ADCY1: variants seen among roughly 807,000 people sequenced by gnomAD.
The protein encoded by ADCY1 is adenylate cyclase 1.
In ADCY1, 28 loss-of-function variants were observed where a neutral mutation model predicts 105.4. That is an observed-to-expected ratio of 0.27 (90% CI 0.20 to 0.36). The LOEUF is 0.36. Among genes scored for constraint, ADCY1 ranks in the 10% least tolerant of loss-of-function variants. ADCY1 has a pLI of 1.00. For missense variants in ADCY1, 977 were observed against 1,434.2 expected, an observed-to-expected ratio of 0.68 and a Z score of 5.15; for synonymous variants, 655 against 623.8, an observed-to-expected ratio of 1.05 and a Z score of -0.75.
At chr7:45,603,313 A>T (rs1793288455) in intron 2 of ADCY1, among the ~76,000 whole-genome samples, 1 of 152,158 alleles carries the variant, frequency 6.6e-6, no homozygotes, top group South Asian at 2.1e-4. Context: ...TTTCTTTTGG[A>T]TAAATACCTA....
intron 5 of ADCY1, among the ~76,000 whole-genome samples, chr7:45,655,181 A>G (rs1794904911): frequency 6.6e-6 from 1 of 152,224 alleles, no homozygotes; most frequent in African/African-American, 2.4e-5. Flanking sequence ...TTCACTTCCA[A>G]GCTTCAGTGC....
intron 4 of ADCY1, among the ~76,000 whole-genome samples, chr7:45,627,369 G>T (rs539030732): frequency 4.6e-5 from 7 of 152,328 alleles, no homozygotes; most frequent in Admixed American, 3.3e-4. Context: ...CTGTGGAACG[G>T]GTGCATCCTG....
chr7:45,685,723 A>G (rs1400828945), intron 12 of ADCY1, among the ~76,000 whole-genome samples: 1 of 152,078 alleles, frequency 6.6e-6, no homozygotes, highest in Non-Finnish European at 1.5e-5. Flanking sequence ...TGGGCTGGGG[A>G]GCAGGCAGGG....
chr7:45,648,067 G>A (rs995633190), intron 4 of ADCY1, among the ~76,000 whole-genome samples: 2 of 152,230 alleles, frequency 1.3e-5, no homozygotes, highest in African/African-American at 4.8e-5. Context: ...CATGTGCCCT[G>A]TGAGGCTGGT....
chr7:45,592,953 C>A, intron 2 of ADCY1, 45 bp downstream of exon 2: 2 of 1,604,604 alleles, frequency 1.2e-6, no homozygotes, highest in Non-Finnish European at 1.7e-6. Context: ...GGCTGTGGGG[C>A]TGGGGAGGTG....
intron 14 of ADCY1, among the ~76,000 whole-genome samples, chr7:45,689,001 TG>T (rs1431077489): frequency 6.7e-6 from 1 of 150,368 alleles, no homozygotes; most frequent in Non-Finnish European, 1.5e-5. Flanking sequence ...GTGCCTGTTC[TG>T]GGCAGAAGAC....
At position 45,695,732 on chromosome 7, in the gene ADCY1, G is replaced by A. The variant is rs552996371; in HGVS notation, c.2455-7644G>A. Among the ~76,000 whole-genome samples the A allele has an allele frequency of 3.3e-5, 5 of 152,360 alleles. No individual in the cohort carries two copies. In the South Asian group the frequency reaches 6.2e-4, roughly 19 times the overall value. On this transcript the variant is annotated intron_variant, in intron 14 of 19. Coordinates refer to ENST00000297323, the MANE Select transcript of ADCY1 (RefSeq NM_021116.4). ...TTTCTGCCCACAGTGTGGACTGTTC[G>A]TGGAGAGCAGTGTGGTAGCAGTGTG...
At position 45,686,499 on chromosome 7, in the gene ADCY1, C is replaced by A; in HGVS notation, c.2328-48C>A. ...CTTGGGTTTGGTGGCAGAGTCTTGC[C>A]CTGGAAGCTCGGCACTGACTTGGCT... On this transcript the variant is annotated intron_variant, in intron 13 of 19. Transcript: ENST00000297323. The surrounding 1 kb of genome is among the most constrained non-coding windows in gnomAD (Gnocchi z 4.3). 1.3e-6 allele frequency: 2 copies of A among 1,574,952 alleles called. No homozygotes were observed. Among genetic ancestry groups the A allele is most frequent in the Non-Finnish European group, 1.7e-6 (2 of 1,157,560 alleles).
intron 8 of ADCY1, among the ~76,000 whole-genome samples, chr7:45,667,671 TCATTGGTAGCTTGATGGGGATGG>T (rs1784287214): frequency 6.6e-6 from 1 of 152,192 alleles, no homozygotes; most frequent in Non-Finnish European, 1.5e-5. Flanking sequence ...GTGAAGAAAG[TCATTGGTAGCTTGATGGGGATGG>T]CATTGAATCT....
At chr7:45,657,620 C>A (rs1334749150) in intron 5 of ADCY1, 107 bp from the exon 6 acceptor site, 3 of 1,230,330 alleles carry the variant, frequency 2.4e-6, no homozygotes, top group Non-Finnish European at 3.4e-6. Flanking sequence ...GCAGCAAGGA[C>A]AAGACCCAGT....
intron 4 of ADCY1, among the ~76,000 whole-genome samples, chr7:45,633,228 A>G (rs149741579): frequency 5.9e-4 from 90 of 152,288 alleles, no homozygotes; most frequent in African/African-American, 2.1e-3. Flanking sequence ...AATGCTGTTG[A>G]TTTTTAACTT....
chr7:45,645,178 A>G (rs1794625941), intron 4 of ADCY1, among the ~76,000 whole-genome samples: 1 of 152,132 alleles, frequency 6.6e-6, no homozygotes, highest in Admixed American at 6.5e-5. Context: ...AGCCTGTGCT[A>G]GATGGCTTTG....
At chr7:45,615,071 T>C (rs1297192660) in intron 3 of ADCY1, among the ~76,000 whole-genome samples, 2 of 152,172 alleles carry the variant, frequency 1.3e-5, no homozygotes, top group African/African-American at 4.8e-5. Flanking sequence ...AAAAGCAGAA[T>C]ACACATTCTT....
chr7:45,696,835 A>T (rs1410126688), intron 14 of ADCY1, among the ~76,000 whole-genome samples: 1 of 152,192 alleles, frequency 6.6e-6, no homozygotes, highest in Admixed American at 6.5e-5. Flanking sequence ...AAATGTGCAC[A>T]GGCTGCTGCT....
chr7:45,642,062 T>C (rs953205213), intron 4 of ADCY1, among the ~76,000 whole-genome samples: 2 of 151,932 alleles, frequency 1.3e-5, no homozygotes, highest in African/African-American at 4.8e-5. Context: ...ACACAGACAG[T>C]CCCGTGCCAT....
In ADCY1 at chr7:45,719,437, A is replaced by G. The variant is rs1328337641; in HGVS notation, c.*5442A>G. The G allele has an allele frequency of 6.6e-6, 1 of 152,266 alleles. No individual in the cohort carries two copies. The highest frequency in any genetic ancestry group is 2.1e-4 in the South Asian group (1 of 4,836). The allele number at this position is 152,266 out of a possible 1,614,324, so 9.4% of individuals were successfully genotyped here. Reference sequence around the variant, plus strand: ...GCGTGGTCCATTCCATAAACACCAGATTCCATTTCAGTTGCCACACATTTT... The same window carrying G: ...GCGTGGTCCATTCCATAAACACCAGGTTCCATTTCAGTTGCCACACATTTT... On this transcript the variant is annotated 3_prime_UTR_variant, in exon 20 of 20. Transcript: ENST00000297323.
intron 8 of ADCY1, among the ~76,000 whole-genome samples, chr7:45,673,717 T>G (rs2461111): frequency 6.6e-6 from 1 of 151,586 alleles, no homozygotes; most frequent in Non-Finnish European, 1.5e-5. Flanking sequence ...GAACCAACTT[T>G]TGGTTTCATT....
intron 1 of ADCY1, among the ~76,000 whole-genome samples, chr7:45,587,290 T>A (rs901932590): frequency 6.6e-6 from 1 of 152,180 alleles, no homozygotes; most frequent in Non-Finnish European, 1.5e-5. Context: ...GTGCATGGCA[T>A]GGCAGACAGG....
intron 3 of ADCY1, among the ~76,000 whole-genome samples, chr7:45,613,577 T>C (rs959778764): frequency 2.0e-5 from 3 of 152,170 alleles, no homozygotes; most frequent in Non-Finnish European, 4.4e-5. Context: ...ACATATATGA[T>C]GTAAAAATAT....
Sources: allele counts gnomAD v4.1 joint callset (sites outside exome capture counted in the v4.1 genomes callset), GRCh38; gene constraint gnomAD v4.1.1; non-coding constraint Gnocchi (gnomAD v3.1); transcripts MANE v1.5; gene names NCBI Gene and HGNC (gene_info 2026-07-23, HGNC 2026-07-21).